CDIN1: variants seen among roughly 807,000 people sequenced by gnomAD.
CDIN1 encodes the protein CDAN1-interacting nuclease 1.
CDIN1 carries 33 observed loss-of-function variants against 45.3 expected under a neutral mutation model. That is an observed-to-expected ratio of 0.73 (90% confidence interval 0.55 to 0.97). The LOEUF (loss-of-function observed/expected upper bound fraction) is 0.97. CDIN1 is among the 50% of genes least tolerant of loss of function. The pLI, the probability that CDIN1 is intolerant of heterozygous loss-of-function variation, is 0.00. For missense variants in CDIN1, 303 were observed against 339.4 expected, an observed-to-expected ratio of 0.89 and a Z score of 0.84; for synonymous variants, 118 against 124.4, an observed-to-expected ratio of 0.95 and a Z score of 0.34.
intron 10 of CDIN1, among the ~76,000 whole-genome samples, chr15:36,718,812 C>CT (rs3045909): frequency 0.014 from 1,338 of 96,584 alleles, 27 homozygotes; most frequent in Middle Eastern, 0.065. Context: ...AATTTGTATG[C>CT]TTTTTTTTTT....
At chr15:36,720,054 AT>A (rs953180493) in intron 10 of CDIN1, among the ~76,000 whole-genome samples, 4 of 76,072 alleles carry the variant, frequency 5.3e-5, no homozygotes, top group African/African-American at 1.8e-4. Flanking sequence ...TAAACGAACC[AT>A]TTTTTTATTT....
chr15:36,623,216 T>C (rs949284410), intron 1 of CDIN1, among the ~76,000 whole-genome samples: 17 of 152,118 alleles, frequency 1.1e-4, no homozygotes, highest in Non-Finnish European at 1.8e-4. Context: ...TTTTTCCCGC[T>C]GAATTTTTAT....
chr15:36,771,756 C>T (rs1319631177), intron 10 of CDIN1, among the ~76,000 whole-genome samples: 8 of 151,974 alleles, frequency 5.3e-5, no homozygotes, highest in Admixed American at 2.6e-4. Context: ...AGTGAAACCC[C>T]GTCTCTACTA....
At chr15:36,618,602 T>C (rs2039006657) in intron 1 of CDIN1, 4 of 826,880 alleles carry the variant, frequency 4.8e-6, no homozygotes, top group South Asian at 2.7e-5. Flanking sequence ...ATGTCTGATG[T>C]TGTTAAAGGT....
At position 36,709,304 on chromosome 15, in the gene CDIN1, C is replaced by G. The variant is rs1392338080; in HGVS notation, c.610+16C>G. On this transcript the variant is annotated intron_variant, in intron 9 of 10. Transcript: ENST00000566621. ...GTACCAGTTGGTAAGTTCTTTAACTCTGTTATGCATTTGTTTTTAGAGAAA... is the reference window on the plus strand; with the variant it reads ...GTACCAGTTGGTAAGTTCTTTAACTGTGTTATGCATTTGTTTTTAGAGAAA... The G allele has an allele frequency of 1.3e-6, 2 of 1,586,554 alleles. No homozygotes were observed. Among genetic ancestry groups the G allele is most frequent in the South Asian group, 2.4e-5 (2 of 84,950 alleles).
chr15:36,796,469 C>A (rs1280798695), intron 10 of CDIN1, among the ~76,000 whole-genome samples: 1 of 152,136 alleles, frequency 6.6e-6, no homozygotes, highest in East Asian at 1.9e-4. Context: ...CCCAGAACTG[C>A]AGAATGATTC....
At chr15:36,630,853 C>G (rs1433953708) in intron 1 of CDIN1, among the ~76,000 whole-genome samples, 3 of 152,018 alleles carry the variant, frequency 2.0e-5, no homozygotes, top group Non-Finnish European at 4.4e-5. Context: ...AAGGGAGATA[C>G]CAGGCTCTTT....
intron 1 of CDIN1, chr15:36,626,641 TG>T: frequency 3.0e-6 from 1 of 336,732 alleles, no homozygotes. Flanking sequence ...TCTTCTCTTT[TG>T]GGCAACAAAG....
intron 10 of CDIN1, among the ~76,000 whole-genome samples, chr15:36,769,554 C>T (rs1273636802): frequency 2.0e-5 from 3 of 152,136 alleles, no homozygotes; most frequent in Non-Finnish European, 2.9e-5. Context: ...TGCAAAATAC[C>T]TTCACAGCAA....
intron 1 of CDIN1, among the ~76,000 whole-genome samples, chr15:36,634,593 A>G (rs2039817538): frequency 6.6e-6 from 1 of 152,122 alleles, no homozygotes; most frequent in African/African-American, 2.4e-5. Context: ...TACCTTTCTG[A>G]GATACTAGTT....
At chr15:36,769,140 T>C (rs905055361) in intron 10 of CDIN1, among the ~76,000 whole-genome samples, 1 of 152,178 alleles carries the variant, frequency 6.6e-6, no homozygotes, top group Non-Finnish European at 1.5e-5. Flanking sequence ...ATGCCTTTGG[T>C]TAGCGCATTA....
intron 10 of CDIN1, among the ~76,000 whole-genome samples, chr15:36,731,245 A>G (rs1288388283): frequency 6.6e-6 from 1 of 152,146 alleles, no homozygotes; most frequent in Non-Finnish European, 1.5e-5. Flanking sequence ...TCACTCATAT[A>G]TAGATAGGTT....
chr15:36,696,946 TAA>T (rs1163749494), intron 7 of CDIN1, among the ~76,000 whole-genome samples: 11 of 92,224 alleles, frequency 1.2e-4, no homozygotes, highest in South Asian at 3.9e-4. Context: ...ATTCCATTTC[TAA>T]AAAAAAAAAA....
chr15:36,685,701 A>G (rs1258989873), intron 5 of CDIN1, among the ~76,000 whole-genome samples: 1 of 152,210 alleles, frequency 6.6e-6, no homozygotes, highest in Admixed American at 6.5e-5. Flanking sequence ...GTGAACTCAA[A>G]CAAATTTACA....
intron 3 of CDIN1, among the ~76,000 whole-genome samples, chr15:36,647,023 C>CTT (rs11433757): frequency 0.53 from 64,987 of 122,236 alleles, 18,849 homozygotes; most frequent in East Asian, 0.66. Context: ...AAATAAATAT[C>CTT]TTTTTTTTTT....
At chr15:36,762,815 C>T (rs2053807817) in intron 10 of CDIN1, among the ~76,000 whole-genome samples, 1 of 152,148 alleles carries the variant, frequency 6.6e-6, no homozygotes, top group Non-Finnish European at 1.5e-5. Flanking sequence ...CTACAAAGGA[C>T]ATGAACTCAT....
chr15:36,772,836 T>C (rs76182977), intron 10 of CDIN1, among the ~76,000 whole-genome samples: 3,928 of 152,282 alleles, frequency 0.026, 172 homozygotes, highest in African/African-American at 0.088. Flanking sequence ...AAATCAGTTA[T>C]TTAAATATAT....
At chr15:36,616,835 G>C (rs953766186) in intron 1 of CDIN1, among the ~76,000 whole-genome samples, 1 of 152,084 alleles carries the variant, frequency 6.6e-6, no homozygotes, top group Admixed American at 6.5e-5. Flanking sequence ...TGAGGCAGGA[G>C]ACTTGCTTGG....
intron 3 of CDIN1, among the ~76,000 whole-genome samples, chr15:36,650,475 C>G (rs1263046380): frequency 7.3e-5 from 11 of 151,536 alleles, no homozygotes; most frequent in Non-Finnish European, 5.9e-5. Flanking sequence ...CAGAACCTTT[C>G]TCTGTCACTC....
Sources: allele counts gnomAD v4.1 joint callset (sites outside exome capture counted in the v4.1 genomes callset), GRCh38; gene constraint gnomAD v4.1.1; transcripts MANE v1.5; gene names NCBI Gene and HGNC (gene_info 2026-07-23, HGNC 2026-07-21).